GRID2: variants seen among roughly 807,000 people sequenced by gnomAD.
The protein encoded by GRID2 is glutamate ionotropic receptor delta type subunit 2, also known as glutamate receptor ionotropic, delta-2.
Under a neutral mutation model 114.8 loss-of-function variants are expected in GRID2, and 33 were observed. The observed-to-expected ratio is 0.29, with a 90% CI of 0.22 to 0.38. The LOEUF (loss-of-function observed/expected upper bound fraction) is 0.38, where lower values mean the gene tolerates loss of function less well. Among genes scored for constraint, GRID2 ranks in the 10% least tolerant of loss-of-function variants. The pLI is 1.00. For missense variants in GRID2, 1,184 were observed against 1,257.7 expected, an observed-to-expected ratio of 0.94 and a Z score of 0.89; for synonymous variants, 505 against 449.9, an observed-to-expected ratio of 1.12 and a Z score of -1.55.
chr4:93,223,504 T>C (rs1745131068), intron 6 of GRID2, among the ~76,000 whole-genome samples: 1 of 152,162 alleles, frequency 6.6e-6, no homozygotes, highest in Non-Finnish European at 1.5e-5. Context: ...CATCCTGTGA[T>C]GTGGGTAGAC....
chr4:93,030,541 C>T (rs1345476414), intron 2 of GRID2, among the ~76,000 whole-genome samples: 2 of 151,910 alleles, frequency 1.3e-5, no homozygotes, highest in East Asian at 1.9e-4. Context: ...TGCACCACCA[C>T]GCCCAGCTAA....
In GRID2 at chr4:93,204,868, TGA is replaced by T. The variant is rs1233020754; in HGVS notation, c.736-2534_736-2533del. The stretch of plus-strand genomic sequence containing the variant: ...GCGAAGATTATTATTTAGCTTCAAA[TGA>T]GGATAACTTAAGCTAAATAGAATCA... On this transcript the variant is annotated intron_variant, in intron 4 of 15. Transcript: ENST00000282020. Among the ~76,000 whole-genome samples, 6 of 152,294 alleles carry T rather than the reference TGA, an allele frequency of 3.9e-5. No homozygotes were observed. The East Asian group carries it at 1.2e-3, about 29-fold the overall frequency.
At chr4:93,569,851 A>T (rs1211203650) in intron 13 of GRID2, among the ~76,000 whole-genome samples, 2 of 152,142 alleles carry the variant, frequency 1.3e-5, no homozygotes, top group Non-Finnish European at 2.9e-5. Flanking sequence ...AAAGAAACCT[A>T]CCTGACTACC....
intron 1 of GRID2, among the ~76,000 whole-genome samples, chr4:92,313,292 CATA>C (rs1252928268): frequency 6.6e-6 from 1 of 151,924 alleles, no homozygotes; most frequent in African/African-American, 2.4e-5. Context: ...GACACAAAGG[CATA>C]ATAATAATAC....
At chr4:93,010,842 A>AT (rs945037948) in intron 2 of GRID2, among the ~76,000 whole-genome samples, 2 of 151,800 alleles carry the variant, frequency 1.3e-5, no homozygotes, top group African/African-American at 2.4e-5. Flanking sequence ...AACCTTTATA[A>AT]TTTTTTCTGT....
chr4:92,764,093 G>C (rs919827464), intron 2 of GRID2, among the ~76,000 whole-genome samples: 2 of 152,112 alleles, frequency 1.3e-5, no homozygotes, highest in African/African-American at 4.8e-5. Context: ...TAAGATGGTT[G>C]TCTGTGCTCT....
At chr4:92,478,779 C>T (rs541399878) in intron 1 of GRID2, among the ~76,000 whole-genome samples, 79 of 152,150 alleles carry the variant, frequency 5.2e-4, no homozygotes, top group Non-Finnish European at 9.3e-4. Flanking sequence ...CGTTCTCTTC[C>T]TTCTGTACGC....
intron 2 of GRID2, among the ~76,000 whole-genome samples, chr4:92,989,276 CAAAAAAAAAAAA>C (rs1182397768): frequency 2.7e-5 from 2 of 74,324 alleles, no homozygotes; most frequent in East Asian, 8.8e-4. Context: ...GACTCCATCT[CAAAAAAAAAAAA>C]AAAAAAAAAA....
intron 2 of GRID2, chr4:92,834,015 C>G (rs1742290586): frequency 6.6e-6 from 1 of 152,118 alleles, no homozygotes; most frequent in Non-Finnish European, 1.5e-5. Flanking sequence ...AGTTAGGTCC[C>G]AAATTCGTTT....
chr4:93,106,867 T>C (rs951320834), intron 3 of GRID2, among the ~76,000 whole-genome samples: 3 of 152,182 alleles, frequency 2.0e-5, no homozygotes, highest in Non-Finnish European at 4.4e-5. Context: ...GGAAGAGTGG[T>C]GGTCTCTTAA....
chr4:93,265,145 A>G (rs1750680373), intron 8 of GRID2, among the ~76,000 whole-genome samples: 1 of 152,024 alleles, frequency 6.6e-6, no homozygotes, highest in Non-Finnish European at 1.5e-5. Context: ...TCAGGATTCT[A>G]TTTTGGTTTT....
intron 13 of GRID2, among the ~76,000 whole-genome samples, chr4:93,519,053 C>G (rs1730087170): frequency 6.6e-6 from 1 of 152,108 alleles, no homozygotes; most frequent in Admixed American, 6.6e-5. Context: ...GACTCTTATG[C>G]CCCTATCCCA....
intron 2 of GRID2, among the ~76,000 whole-genome samples, chr4:93,007,245 G>GT (rs1721633140): frequency 6.6e-6 from 1 of 151,860 alleles, no homozygotes; most frequent in Non-Finnish European, 1.5e-5. Flanking sequence ...ACTGAAGAAA[G>GT]TTTTTTAGAA....
At position 93,110,924 on chromosome 4, in the gene GRID2, C is replaced by G. The variant is rs367770083; in HGVS notation, c.706C>G (p.Pro236Ala). The change falls in exon 4 of 16, where the codon CCT becomes GCT. Residue 236 changes from proline (P) to alanine (A), a missense_variant. Coordinates refer to ENST00000282020, the MANE Select transcript of GRID2 (RefSeq NM_001510.4). The stretch of plus-strand genomic sequence containing the variant: ...TAGGCGAGCGATCCTTGTTATGAAT[C>G]CTGCTACAGCCAAATCCTTCATTAC... ...TLRRAILVMN[P>A]ATAKSFITEV... The G allele has an allele frequency of 1.9e-6, 3 of 1,610,912 alleles. No individual in the cohort carries two copies. Among genetic ancestry groups the G allele is most frequent in the East Asian group, 2.2e-5 (1 of 44,856 alleles).
At chr4:92,496,592 T>A (rs1223059185) in intron 1 of GRID2, among the ~76,000 whole-genome samples, 11 of 151,826 alleles carry the variant, frequency 7.2e-5, no homozygotes, top group Admixed American at 7.2e-4. Context: ...AGAGCCTTTT[T>A]TCAGTCTTTC....
chr4:93,402,295 C>G (rs1436801410), intron 9 of GRID2, among the ~76,000 whole-genome samples: 4 of 151,926 alleles, frequency 2.6e-5, no homozygotes, highest in Non-Finnish European at 4.4e-5. Flanking sequence ...TTATGGAAAC[C>G]AAGACGCTGT....
At chr4:92,323,860 T>C (rs1340422415) in intron 1 of GRID2, among the ~76,000 whole-genome samples, 4 of 151,990 alleles carry the variant, frequency 2.6e-5, no homozygotes, top group Non-Finnish European at 5.9e-5. Flanking sequence ...GTTAAGTGGC[T>C]CAAATGCTTC....
intron 2 of GRID2, among the ~76,000 whole-genome samples, chr4:93,077,311 C>T (rs1392305606): frequency 6.6e-6 from 1 of 152,106 alleles, no homozygotes; most frequent in Non-Finnish European, 1.5e-5. Flanking sequence ...AGGTAGATAG[C>T]AGTAACTGAG....
chr4:92,602,323 G>T (rs1434965125), intron 2 of GRID2, among the ~76,000 whole-genome samples: 1 of 152,010 alleles, frequency 6.6e-6, no homozygotes, highest in East Asian at 1.9e-4. Context: ...TGGGAAACCG[G>T]ATTCAGCAAC....
Sources: gnomAD v4.1 joint callset for allele counts (sites outside exome capture counted in the v4.1 genomes callset) on GRCh38, gnomAD v4.1.1 for gene constraint, MANE v1.5 for transcripts, NCBI Gene and HGNC (gene_info 2026-07-23, HGNC 2026-07-21) for gene names.